RELN: variants seen among roughly 807,000 people sequenced by gnomAD.
RELN encodes reelin.
RELN carries 108 observed loss-of-function variants against 427.6 expected under a neutral mutation model. That is an observed-to-expected ratio of 0.25 (90% CI 0.22 to 0.30). The LOEUF is 0.30. RELN is among the 10% of genes least tolerant of loss of function. RELN has a pLI of 1.00. For synonymous variants in RELN, 1,524 were observed against 1,513.4 expected (o/e 1.01, Z -0.16); for missense variants, 3,715 against 4,302.8 (o/e 0.86, Z 3.82).
Position 103,636,255 on chromosome 7 carries a change from GA to G in RELN, c.2282del (p.Phe761SerfsTer14). 6.2e-7 allele frequency: 1 copy of G among 1,612,942 alleles called. No homozygotes were observed. The highest frequency in any genetic ancestry group is 8.5e-7 in the Non-Finnish European group (1 of 1,179,082). On this transcript the variant is annotated frameshift_variant, in exon 18 of 65. Coordinates refer to ENST00000428762, the MANE Select transcript of RELN (RefSeq NM_005045.4). LOFTEE classifies it high-confidence loss of function. ...KDGRRQLITSFLDSSQSRFLQ... is the reference protein window; with the variant it reads ...KDGRRQLITSXLDSSQSRFLQ... ...CTCACCTGGATTGTGAGCTGTCAAG[GA>G]AAGATGTAATTAGCTGACGCCGCCC...
At chr7:103,854,580 A>C (rs1793900126) in intron 2 of RELN, among the ~76,000 whole-genome samples, 1 of 152,200 alleles carries the variant, frequency 6.6e-6, no homozygotes, top group African/African-American at 2.4e-5. Flanking sequence ...CTTAGTATGA[A>C]AAAATATCAT....
chr7:103,947,373 C>T (rs142131481), intron 1 of RELN, among the ~76,000 whole-genome samples: 1 of 152,210 alleles, frequency 6.6e-6, no homozygotes, highest in East Asian at 1.9e-4. Flanking sequence ...GAGGTAAACA[C>T]GTTAAAGTGA....
chr7:103,766,718 C>T (rs1252747836), intron 4 of RELN, among the ~76,000 whole-genome samples: 2 of 152,174 alleles, frequency 1.3e-5, no homozygotes, highest in African/African-American at 4.8e-5. Flanking sequence ...AGCATATATG[C>T]TGCCTACCAC....
chr7:103,821,682 T>G (rs1381039226), intron 3 of RELN, among the ~76,000 whole-genome samples: 2 of 152,182 alleles, frequency 1.3e-5, no homozygotes, highest in African/African-American at 4.8e-5. Context: ...AAGGCTTATG[T>G]GGCTTAGCTT....
chr7:103,792,093 G>C (rs1792177857), intron 3 of RELN, among the ~76,000 whole-genome samples: 1 of 152,176 alleles, frequency 6.6e-6, no homozygotes, highest in Admixed American at 6.5e-5. Flanking sequence ...TGGAGAAACT[G>C]TAATCCTCAA....
intron 2 of RELN, among the ~76,000 whole-genome samples, chr7:103,834,905 A>G (rs1793362728): frequency 6.6e-6 from 1 of 152,156 alleles, no homozygotes; most frequent in Non-Finnish European, 1.5e-5. Context: ...TTTTTACAAA[A>G]CTAGACATAT....
At chr7:103,635,776 CAGAT>C (rs1832566684) in intron 18 of RELN, among the ~76,000 whole-genome samples, 190 bp from the exon 19 acceptor site, 1 of 151,966 alleles carries the variant, frequency 6.6e-6, no homozygotes. Flanking sequence ...ATTTTATGTA[CAGAT>C]AGATCCATAA....
chr7:103,476,685 TAATA>T (rs769436980), intron 64 of RELN: 16 of 339,846 alleles, frequency 4.7e-5, no homozygotes, highest in Non-Finnish European at 9.2e-5. Flanking sequence ...TAAGACCACT[TAATA>T]AATTGACATG....
chr7:103,502,104 AG>A (rs1829050143), intron 52 of RELN, among the ~76,000 whole-genome samples: 1 of 152,188 alleles, frequency 6.6e-6, no homozygotes. Flanking sequence ...CCAGCCCTAG[AG>A]TTCACTTATC....
chr7:103,575,778 C>T, intron 28 of RELN, 73 bp from the exon 29 acceptor site: 1 of 1,520,896 alleles, frequency 6.6e-7, no homozygotes, highest in Non-Finnish European at 9.1e-7. Context: ...TAGAAAAATT[C>T]AGAAAAACTC....
chr7:103,891,043 T>C (rs1048109625), intron 2 of RELN, among the ~76,000 whole-genome samples: 2 of 151,820 alleles, frequency 1.3e-5, no homozygotes, highest in Non-Finnish European at 2.9e-5. Context: ...GATCACACCA[T>C]TGCACTCCAG....
chr7:103,515,496 T>C (rs1829543082), intron 49 of RELN, 55 bp from the exon 50 acceptor site: 2 of 1,561,822 alleles, frequency 1.3e-6, no homozygotes, highest in African/African-American at 2.1e-5. Context: ...AAATATCTTC[T>C]CTGAGTAAAA....
chr7:103,623,187 T>C (rs1832256643), intron 20 of RELN, among the ~76,000 whole-genome samples: 1 of 152,222 alleles, frequency 6.6e-6, no homozygotes, highest in Admixed American at 6.5e-5. Context: ...TACCTATCTA[T>C]CTGCTAAGCT....
At chr7:103,743,839 C>T (rs967898830) in intron 6 of RELN, among the ~76,000 whole-genome samples, 4 of 152,112 alleles carry the variant, frequency 2.6e-5, no homozygotes, top group African/African-American at 9.7e-5. Flanking sequence ...CCACTGTCAA[C>T]ATTAGACAGA....
At chr7:103,893,721 T>C (rs1351784132) in intron 2 of RELN, among the ~76,000 whole-genome samples, 1 of 152,156 alleles carries the variant, frequency 6.6e-6, no homozygotes, top group Non-Finnish European at 1.5e-5. Context: ...ACCAAAGACA[T>C]GCAAGTACAC....
chr7:103,561,958 C>CAA lies in RELN; in HGVS notation c.5211-6_5211-5insTT. The CAA allele has an allele frequency of 9.8e-7, 1 of 1,018,324 alleles. No homozygotes were observed. Among genetic ancestry groups the CAA allele is most frequent in the Non-Finnish European group, 1.3e-6 (1 of 769,796 alleles). The allele number at this position is 1,018,324 out of a possible 1,614,324, so 63.1% of individuals were successfully genotyped here. A position where few individuals can be genotyped will look rare whatever the true frequency, so the allele number is the denominator to read the frequency against. ...CTGAACCGGGTCCTGGGAGAACTAA[C>CAA]CAAAAAAAAAAAAAAAAAAACACAC... On this transcript the variant is annotated splice_region_variant and splice_polypyrimidine_tract_variant and intron_variant, in intron 34 of 64. Transcript: ENST00000428762.
intron 41 of RELN, among the ~76,000 whole-genome samples, chr7:103,548,958 C>T (rs138298151): frequency 6.6e-6 from 1 of 152,096 alleles, no homozygotes; most frequent in East Asian, 1.9e-4. Context: ...TGAAGCAAGT[C>T]TCAGTTGGCA....
At chr7:103,904,716 C>T (rs9986828) in intron 2 of RELN, among the ~76,000 whole-genome samples, 1 of 152,180 alleles carries the variant, frequency 6.6e-6, no homozygotes, top group African/African-American at 2.4e-5. Context: ...TTATCATTTT[C>T]AATTTTATAA....
chr7:103,614,323 C>T (rs1832032585), intron 20 of RELN, among the ~76,000 whole-genome samples: 1 of 152,298 alleles, frequency 6.6e-6, no homozygotes, highest in East Asian at 1.9e-4. Context: ...TCCTTTTAGT[C>T]ACTATCCAGT....
Sources: allele counts gnomAD v4.1 joint callset (sites outside exome capture counted in the v4.1 genomes callset), GRCh38; gene constraint gnomAD v4.1.1; transcripts MANE v1.5; gene names NCBI Gene and HGNC (gene_info 2026-07-23, HGNC 2026-07-21).